The following PPP3CA variants were observed in gnomAD, a reference collection of about 807,000 sequenced individuals.
PPP3CA encodes protein phosphatase 3 catalytic subunit alpha.
In PPP3CA, 14 loss-of-function variants were observed where a neutral mutation model predicts 66.5. The observed-to-expected ratio is 0.21, with a 90% CI of 0.14 to 0.33. PPP3CA has a LOEUF of 0.33. PPP3CA is among the 10% of genes least tolerant of loss of function. The pLI, the probability that PPP3CA is intolerant of heterozygous loss-of-function variation, is 1.00. For missense variants in PPP3CA, 317 were observed against 639.5 expected (o/e 0.50, Z 5.44); for synonymous variants, 232 against 226.2 (o/e 1.03, Z -0.23).
chr4:101,297,682 C>T (rs926312729), intron 1 of PPP3CA, among the ~76,000 whole-genome samples: 2 of 152,136 alleles, frequency 1.3e-5, no homozygotes, highest in African/African-American at 2.4e-5. Context: ...ACAGAGGTTT[C>T]TACAGGCCTT....
chr4:101,239,049 A>G (rs1436987766), intron 1 of PPP3CA, among the ~76,000 whole-genome samples: 1 of 152,100 alleles, frequency 6.6e-6, no homozygotes, highest in African/African-American at 2.4e-5. Context: ...AGTTTACTGA[A>G]GGGCAGGAAA....
At chr4:101,306,651 CA>C (rs1172594169) in intron 1 of PPP3CA, among the ~76,000 whole-genome samples, 3 of 152,060 alleles carry the variant, frequency 2.0e-5, no homozygotes, top group Admixed American at 6.6e-5. Context: ...CAAAATTCAG[CA>C]GAAGCAAACC....
chr4:101,130,907 A>G (rs1578477580), intron 2 of PPP3CA, among the ~76,000 whole-genome samples: 1 of 152,184 alleles, frequency 6.6e-6, no homozygotes, highest in Non-Finnish European at 1.5e-5. Context: ...ACCTTAAATA[A>G]AAATGGGCTA....
intron 2 of PPP3CA, among the ~76,000 whole-genome samples, chr4:101,153,880 TAATAC>T (rs1398500222): frequency 6.6e-6 from 1 of 152,128 alleles, no homozygotes; most frequent in Non-Finnish European, 1.5e-5. Flanking sequence ...AGTTCATTTT[TAATAC>T]AATACATTTG....
chr4:101,241,463 A>G (rs1726306774), intron 1 of PPP3CA, among the ~76,000 whole-genome samples: 1 of 152,174 alleles, frequency 6.6e-6, no homozygotes, highest in Non-Finnish European at 1.5e-5. Context: ...TTTGTTGAAT[A>G]AAAGAAAGAA....
intron 1 of PPP3CA, among the ~76,000 whole-genome samples, chr4:101,214,048 C>T (rs1349114368): frequency 6.6e-6 from 1 of 152,032 alleles, no homozygotes; most frequent in East Asian, 1.9e-4. Flanking sequence ...CATATGCCAG[C>T]CAGAGATAAC....
chr4:101,210,790 T>G (rs1725276841), intron 1 of PPP3CA, among the ~76,000 whole-genome samples: 1 of 152,190 alleles, frequency 6.6e-6, no homozygotes, highest in African/African-American at 2.4e-5. Flanking sequence ...AGTATTAATT[T>G]TTACTCTTAC....
intron 1 of PPP3CA, among the ~76,000 whole-genome samples, chr4:101,222,624 A>T (rs1437110398): frequency 6.6e-6 from 1 of 151,608 alleles, no homozygotes; most frequent in Non-Finnish European, 1.5e-5. Flanking sequence ...ATAACTATCT[A>T]TTGGCAGGTA....
At position 101,106,473 on chromosome 4, in the gene PPP3CA, A is replaced by AGAAAGGAAG. The variant is rs1560605300; in HGVS notation, c.384+2480_384+2481insCTTCCTTTC. Among the ~76,000 whole-genome samples, 5 of 43,264 alleles carry AGAAAGGAAG rather than the reference A, an allele frequency of 1.2e-4. 2 individuals carry two copies. Among genetic ancestry groups the AGAAAGGAAG allele is most frequent in the African/African-American group, 8.2e-4 (5 of 6,102 alleles). The allele number at this position is 43,264 out of a possible 152,430, so 28.4% of individuals were successfully genotyped here. ...AGAAAGAGAAAAGAAAAGAAAAGAA[A>AGAAAGGAAG]AGAAAAGAAAAGAAAAGAAAAGAAA... is the stretch of plus-strand genomic sequence containing the variant. On this transcript the variant is annotated intron_variant, in intron 3 of 13. Transcript: ENST00000394854.
intron 6 of PPP3CA, among the ~76,000 whole-genome samples, chr4:101,088,635 C>T (rs952446469): frequency 7.2e-6 from 1 of 139,580 alleles, no homozygotes; most frequent in African/African-American, 2.6e-5. Flanking sequence ...AGAGAATATA[C>T]TACAGTAAAT....
At chr4:101,183,818 T>C (rs906204744) in intron 2 of PPP3CA, among the ~76,000 whole-genome samples, 26 of 152,120 alleles carry the variant, frequency 1.7e-4, no homozygotes, top group Admixed American at 3.3e-4. Flanking sequence ...TGCTTTGCTT[T>C]TCCACATTCT....
intron 1 of PPP3CA, among the ~76,000 whole-genome samples, chr4:101,271,971 TTATAC>T (rs1727349556): frequency 6.6e-6 from 1 of 152,174 alleles, no homozygotes; most frequent in Non-Finnish European, 1.5e-5. Context: ...TTCGTAATCA[TTATAC>T]TATAACAAGA....
intron 1 of PPP3CA, among the ~76,000 whole-genome samples, chr4:101,292,595 TG>T (rs1728064262): frequency 2.6e-5 from 4 of 152,232 alleles, no homozygotes; most frequent in Admixed American, 1.3e-4. Flanking sequence ...GAAGCCTCTA[TG>T]CTTTGGCAAT....
At chr4:101,205,914 T>C (rs1167000174) in intron 1 of PPP3CA, among the ~76,000 whole-genome samples, 1 of 152,212 alleles carries the variant, frequency 6.6e-6, no homozygotes, top group Non-Finnish European at 1.5e-5. Flanking sequence ...GAAGCAAAGA[T>C]TGAAATATTT....
chr4:101,222,763 CGAA>C (rs1725667036), intron 1 of PPP3CA, among the ~76,000 whole-genome samples: 1 of 151,666 alleles, frequency 6.6e-6, no homozygotes, highest in South Asian at 2.1e-4. Context: ...CAAATATGAA[CGAA>C]CTTTCATTAA....
At position 101,106,391 on chromosome 4, in the gene PPP3CA, A is replaced by AAGAG. The variant is rs1202260283; in HGVS notation, c.384+2562_384+2563insCTCT. Among the ~76,000 whole-genome samples, 5 of 5,810 alleles carry AAGAG rather than the reference A, an allele frequency of 8.6e-4. No individual in the cohort carries two copies. The Admixed American group carries it at 0.012, about 14-fold the overall frequency. 3.8% of individuals were successfully genotyped at this position (5,810 alleles called of 152,430 possible). On this transcript the variant is annotated intron_variant, in intron 3 of 13. Transcript: ENST00000394854. ...AAGAGAGAAAAGAAAGAAAGAAAGA[A>AAGAG]AGAAAGAAAGAAAGAAAGAAAGAAA...
At chr4:101,168,687 A>C (rs1004149288) in intron 2 of PPP3CA, among the ~76,000 whole-genome samples, 1 of 152,178 alleles carries the variant, frequency 6.6e-6, no homozygotes, top group Non-Finnish European at 1.5e-5. Flanking sequence ...CAGGAGGTCC[A>C]ATGAAAGAAA....
chr4:101,148,973 G>C (rs1049763406), intron 2 of PPP3CA, among the ~76,000 whole-genome samples: 2 of 152,056 alleles, frequency 1.3e-5, no homozygotes, highest in African/African-American at 4.8e-5. Flanking sequence ...TTACTAGCAT[G>C]CCATATTAAT....
chr4:101,041,626 G>T (rs1251284710), intron 10 of PPP3CA, among the ~76,000 whole-genome samples: 1 of 151,954 alleles, frequency 6.6e-6, no homozygotes, highest in East Asian at 1.9e-4. Flanking sequence ...GTAGAGACAG[G>T]CTTCACCAGG....
Sources: allele counts gnomAD v4.1 joint callset (sites outside exome capture counted in the v4.1 genomes callset), GRCh38; gene constraint gnomAD v4.1.1; transcripts MANE v1.5; gene names NCBI Gene and HGNC (gene_info 2026-07-23, HGNC 2026-07-21).